The following TANC2 variants were observed in gnomAD, a reference collection of about 807,000 sequenced individuals.
TANC2 encodes protein TANC2.
TANC2 carries 26 observed loss-of-function variants against 210.5 expected under a neutral mutation model. The observed-to-expected ratio is 0.12, with a 90% CI of 0.09 to 0.17. The LOEUF (loss-of-function observed/expected upper bound fraction) is 0.17, where lower values mean the gene tolerates loss of function less well. Among genes scored for constraint, TANC2 ranks in the 10% least tolerant of loss-of-function variants. The pLI, the probability that TANC2 is intolerant of heterozygous loss-of-function variation, is 1.00. For synonymous variants in TANC2, 931 were observed against 967.1 expected (o/e 0.96, Z 0.69); for missense variants, 2,129 against 2,608.9 (o/e 0.82, Z 4.01).
exon 26 of TANC2, chr17:63,415,654 C>T: frequency 6.2e-7 from 1 of 1,613,492 alleles, no homozygotes; most frequent in Non-Finnish European, 8.5e-7. Context: ...CAACCTCTCT[C>T]GGTGTCGCAG....
At chr17:63,125,913 T>C (rs1156860859) in intron 4 of TANC2, among the ~76,000 whole-genome samples, 5 of 152,200 alleles carry the variant, frequency 3.3e-5, no homozygotes, top group African/African-American at 1.2e-4. Flanking sequence ...ACATAGTTTG[T>C]GTACTCTGGA....
intron 8 of TANC2, among the ~76,000 whole-genome samples, chr17:63,248,963 T>C (rs1008165213): frequency 1.3e-5 from 2 of 152,180 alleles, no homozygotes; most frequent in Non-Finnish European, 2.9e-5. Context: ...GTATTTTATT[T>C]ACAGTATTAA....
chr17:63,135,411 A>G (rs2039057703), intron 4 of TANC2, among the ~76,000 whole-genome samples: 1 of 152,206 alleles, frequency 6.6e-6, no homozygotes, highest in South Asian at 2.1e-4. Context: ...ATTCATCTTA[A>G]TAATAGTGAT....
Position 63,421,684 on chromosome 17 carries a change from C to T in TANC2, c.5954C>T (p.Ala1985Val). The change falls in exon 28 of 28, where the codon GCC becomes GTC. Residue 1985 changes from alanine to valine, a missense_variant. Physicochemically the swap from Ala to Val is moderately conservative, Grantham distance 64. Coordinates refer to ENST00000689528, the Ensembl canonical transcript of TANC2. This position sits in a 1 kb window ranked among gnomAD's most constrained non-coding sequence, Gnocchi z 6.9. Reference sequence around the variant, plus strand: ...CCACCATCATCCATCAGCAACATTGCCTTTTATAACAAAACCAACAATGCA... The same window carrying T: ...CCACCATCATCCATCAGCAACATTGTCTTTTATAACAAAACCAACAATGCA... 6.2e-7 allele frequency: 1 copy of T among 1,614,058 alleles called. No individual in the cohort carries two copies. The highest frequency in any genetic ancestry group is 1.7e-5 in the Admixed American group (1 of 60,030).
chr17:63,390,865 G>A (rs1478706696), intron 17 of TANC2: 2 of 152,086 alleles, frequency 1.3e-5, no homozygotes, highest in Non-Finnish European at 2.9e-5. Flanking sequence ...ATCTTTCATT[G>A]TTTTCCCCAG....
intron 14 of TANC2, among the ~76,000 whole-genome samples, chr17:63,355,649 A>G (rs922431953): frequency 2.0e-5 from 3 of 152,114 alleles, no homozygotes; most frequent in African/African-American, 7.2e-5. Context: ...ATTTTCACTG[A>G]CCCCACAGGG....
intron 11 of TANC2, among the ~76,000 whole-genome samples, chr17:63,324,356 A>G (rs1403203354): frequency 3.3e-5 from 5 of 152,346 alleles, no homozygotes; most frequent in Non-Finnish European, 5.9e-5. Flanking sequence ...GGGGGTGTCA[A>G]ATGATCATGG....
At position 63,099,165 on chromosome 17, in the gene TANC2, C is replaced by G; in HGVS notation, c.140-10C>G. ...CTCACCAGCTCTTTTGTTCCATCCC[C>G]TTCTAACAGGTGGCATCTCCACAGA... On this transcript the variant is annotated splice_polypyrimidine_tract_variant and intron_variant, in intron 3 of 27. Coordinates refer to ENST00000689528, the Ensembl canonical transcript of TANC2. The G allele has an allele frequency of 6.2e-7, 1 of 1,609,978 alleles. No individual in the cohort carries two copies. Among genetic ancestry groups the G allele is most frequent in the Non-Finnish European group, 8.5e-7 (1 of 1,178,026 alleles).
intron 9 of TANC2, among the ~76,000 whole-genome samples, chr17:63,290,093 T>C (rs1197351002): frequency 6.6e-6 from 1 of 152,202 alleles, no homozygotes; most frequent in Non-Finnish European, 1.5e-5. Context: ...GCAGGCCTTG[T>C]TAAGAGCATT....
intron 5 of TANC2, among the ~76,000 whole-genome samples, chr17:63,186,350 CTTTTTTTTTTT>C (rs11314991): frequency 1.7e-5 from 2 of 114,386 alleles, no homozygotes; most frequent in Non-Finnish European, 3.4e-5. Flanking sequence ...CTCTCTCTCT[CTTTTTTTTTTT>C]TTTTTTTTGA....
intron 4 of TANC2, among the ~76,000 whole-genome samples, chr17:63,144,271 G>A (rs1289585867): frequency 1.3e-5 from 2 of 152,014 alleles, no homozygotes; most frequent in African/African-American, 4.8e-5. Context: ...TTCTACAGTT[G>A]TTCACTATGA....
intron 4 of TANC2, among the ~76,000 whole-genome samples, chr17:63,101,269 C>T (rs568056161): frequency 2.0e-4 from 30 of 152,146 alleles, no homozygotes; most frequent in Non-Finnish European, 3.4e-4. Context: ...AAAAATTAGC[C>T]GACCGTAAAG....
intron 4 of TANC2, among the ~76,000 whole-genome samples, chr17:63,121,157 CCTAG>C (rs2038459742): frequency 6.6e-6 from 1 of 151,848 alleles, no homozygotes; most frequent in African/African-American, 2.4e-5. Flanking sequence ...TTCTAGTCAT[CCTAG>C]CTATTTTTTC....
intron 2 of TANC2, among the ~76,000 whole-genome samples, chr17:63,072,076 C>T (rs2036417060): frequency 6.6e-6 from 1 of 152,106 alleles, no homozygotes; most frequent in Non-Finnish European, 1.5e-5. Flanking sequence ...TAATTATTGG[C>T]TGCCTTTCTG....
intron 11 of TANC2, among the ~76,000 whole-genome samples, chr17:63,330,319 A>G (rs530489557): frequency 6.6e-6 from 1 of 152,374 alleles, no homozygotes; most frequent in African/African-American, 2.4e-5. Flanking sequence ...CACGAGCTGT[A>G]GCAAGTTATC....
chr17:63,080,088 C>T lies in TANC2; in HGVS notation c.139+6074C>T, dbSNP rs115880377. Among the ~76,000 whole-genome samples, 8 of 152,224 alleles carry T rather than the reference C, an allele frequency of 5.3e-5. No individual in the cohort carries two copies. In the South Asian group the frequency reaches 6.2e-4, roughly 12 times the overall value. ...ATTTTGTCTTATTTGTCTATTGGGT[C>T]TCCATTTTTCCTAGTAATGTAAGAG... On this transcript the variant is annotated intron_variant, in intron 3 of 27. Transcript: ENST00000689528.
intron 11 of TANC2, 133 bp from the exon 12 acceptor site, chr17:63,339,968 T>G: frequency 1.5e-6 from 1 of 670,140 alleles, no homozygotes; most frequent in African/African-American, 1.8e-5. Flanking sequence ...AGTTGAGGAA[T>G]GAAGAGACAA....
At chr17:63,125,039 A>G (rs960354547) in intron 4 of TANC2, 2 of 152,156 alleles carry the variant, frequency 1.3e-5, no homozygotes, top group African/African-American at 2.4e-5. Flanking sequence ...TCTCCATTCA[A>G]CATCCTTACT....
chr17:63,058,647 C>G (rs1279411906), intron 2 of TANC2, among the ~76,000 whole-genome samples: 1 of 152,118 alleles, frequency 6.6e-6, no homozygotes, highest in African/African-American at 2.4e-5. Flanking sequence ...TATGGCTAGC[C>G]ACTTATCTCA....
Sources: gnomAD v4.1 joint callset for allele counts (sites outside exome capture counted in the v4.1 genomes callset) on GRCh38, gnomAD v4.1.1 for gene constraint, Gnocchi (gnomAD v3.1) non-coding constraint, MANE v1.5 for transcripts, NCBI Gene and HGNC (gene_info 2026-07-23, HGNC 2026-07-21) for gene names.